PCSK5: variants seen among roughly 807,000 people sequenced by gnomAD.
PCSK5 encodes the protein prohormone convertase 5.
PCSK5 carries 129 observed loss-of-function variants against 233.2 expected under a neutral mutation model. The ratio of observed to expected loss-of-function variants is 0.55; its 90% CI spans 0.48 to 0.64. The LOEUF (loss-of-function observed/expected upper bound fraction) is 0.64, where lower values mean the gene tolerates loss of function less well. PCSK5 is among the 30% of genes least tolerant of loss of function. The probability of loss-of-function intolerance (pLI) is 0.00; values close to 1 mark genes in which losing one functional copy is unlikely to be tolerated. For synonymous variants in PCSK5, 825 were observed against 879.2 expected, an observed-to-expected ratio of 0.94 and a Z score of 1.09; for missense variants, 2,076 against 2,430.1, an observed-to-expected ratio of 0.85 and a Z score of 3.06.
chr9:75,973,878 G>T (rs146947387), intron 2 of PCSK5, among the ~76,000 whole-genome samples: 1 of 152,172 alleles, frequency 6.6e-6, no homozygotes, highest in Non-Finnish European at 1.5e-5. Context: ...AGTGGAGAGA[G>T]AGAACTGGTG....
At chr9:76,191,386 C>T (rs1414855441) in intron 20 of PCSK5, among the ~76,000 whole-genome samples, 1 of 152,138 alleles carries the variant, frequency 6.6e-6, no homozygotes, top group East Asian at 1.9e-4. Context: ...TACCTGGTCT[C>T]CAGGCCTTGG....
chr9:75,985,126 A>G (rs2131391003), intron 2 of PCSK5, among the ~76,000 whole-genome samples: 1 of 152,330 alleles, frequency 6.6e-6, no homozygotes, highest in Admixed American at 6.5e-5. Flanking sequence ...ACAAAGGAGC[A>G]TTTAGGCACA....
intron 35 of PCSK5, among the ~76,000 whole-genome samples, chr9:76,339,690 G>A (rs1403594792): frequency 1.3e-5 from 2 of 151,900 alleles, no homozygotes; most frequent in African/African-American, 4.8e-5. Context: ...GATTACAGAC[G>A]TGCACCACCA....
At chr9:76,244,026 C>A (rs1206776096) in intron 24 of PCSK5, among the ~76,000 whole-genome samples, 2 of 152,168 alleles carry the variant, frequency 1.3e-5, no homozygotes, top group East Asian at 1.9e-4. Flanking sequence ...GAGTTTGAGA[C>A]CAGTCTGGGA....
At chr9:76,222,153 A>G (rs1361509019) in intron 20 of PCSK5, among the ~76,000 whole-genome samples, 1 of 151,356 alleles carries the variant, frequency 6.6e-6, no homozygotes, top group Admixed American at 6.6e-5. Context: ...ATATCAATTT[A>G]TTTCCATTAT....
chr9:76,084,751 C>T (rs1382596757), intron 7 of PCSK5, among the ~76,000 whole-genome samples: 2 of 152,062 alleles, frequency 1.3e-5, no homozygotes, highest in Non-Finnish European at 2.9e-5. Context: ...ACAGACAGAT[C>T]AGTTTCCTTC....
At chr9:76,300,004 T>C (rs1828555992) in intron 27 of PCSK5, among the ~76,000 whole-genome samples, 1 of 152,264 alleles carries the variant, frequency 6.6e-6, no homozygotes. Context: ...TCTAATTACA[T>C]ATTCTGCTGA....
At chr9:76,208,585 T>C (rs1169353551) in intron 20 of PCSK5, among the ~76,000 whole-genome samples, 1 of 152,216 alleles carries the variant, frequency 6.6e-6, no homozygotes, top group Non-Finnish European at 1.5e-5. Flanking sequence ...AGCCTCCCAT[T>C]ACAGTGAGCC....
intron 1 of PCSK5, among the ~76,000 whole-genome samples, chr9:75,930,999 C>G (rs879478749): frequency 1.3e-5 from 2 of 152,160 alleles, no homozygotes; most frequent in African/African-American, 2.4e-5. Context: ...CGCCTGCATT[C>G]CCCGCTTGTT....
chr9:75,889,820 G>C (rs1238767721), upstream of PCSK5, among the ~76,000 whole-genome samples: 1 of 152,208 alleles, frequency 6.6e-6, no homozygotes, highest in East Asian at 1.9e-4. Context: ...GCATGATAGA[G>C]TAATGAAGGT....
intron 2 of PCSK5, among the ~76,000 whole-genome samples, chr9:75,939,140 G>A (rs1360730902): frequency 1.3e-5 from 2 of 152,158 alleles, no homozygotes; most frequent in Non-Finnish European, 2.9e-5. Context: ...AGAAAATGAT[G>A]TGGTCAGTTT....
At chr9:76,166,290 G>A (rs753398064) in intron 12 of PCSK5, among the ~76,000 whole-genome samples, 44 of 152,212 alleles carry the variant, frequency 2.9e-4, no homozygotes, top group Non-Finnish European at 4.6e-4. Context: ...ACCAGGGGGT[G>A]GAAAACTGCT....
At chr9:76,088,338 T>C (rs964567632) in intron 7 of PCSK5, among the ~76,000 whole-genome samples, 1 of 152,220 alleles carries the variant, frequency 6.6e-6, no homozygotes, top group African/African-American at 2.4e-5. Context: ...AATTTTTGCT[T>C]GGAAACAAGT....
At chr9:76,310,570 T>G in intron 29 of PCSK5, 86 bp from the exon 30 acceptor site, 4 of 843,258 alleles carry the variant, frequency 4.7e-6, no homozygotes, top group Non-Finnish European at 6.9e-6. Context: ...GATACTTTGG[T>G]CTTTGGAAAG....
intron 20 of PCSK5, among the ~76,000 whole-genome samples, chr9:76,211,551 C>A (rs762328115): frequency 1.4e-4 from 21 of 152,164 alleles, no homozygotes; most frequent in Non-Finnish European, 2.5e-4. Flanking sequence ...CTCTCCTGAC[C>A]TCAAAAGATC....
intron 3 of PCSK5, among the ~76,000 whole-genome samples, chr9:75,999,613 A>G (rs1827178783): frequency 1.3e-5 from 2 of 152,264 alleles, no homozygotes; most frequent in South Asian, 4.1e-4. Context: ...GAATGCCTTT[A>G]AGCGGTTTTC....
chr9:76,112,419 C>G (rs1463148927), intron 9 of PCSK5, among the ~76,000 whole-genome samples: 1 of 152,112 alleles, frequency 6.6e-6, no homozygotes, highest in Non-Finnish European at 1.5e-5. Flanking sequence ...ATAAATTAAA[C>G]TAACAGCTGC....
chr9:76,140,358 G>A (rs1823160074), intron 10 of PCSK5, among the ~76,000 whole-genome samples: 1 of 152,046 alleles, frequency 6.6e-6, no homozygotes, highest in East Asian at 1.9e-4. Context: ...GCCAATTAGA[G>A]TTTTTGTACC....
intron 24 of PCSK5, among the ~76,000 whole-genome samples, chr9:76,266,557 C>A (rs1285842033): frequency 1.3e-5 from 2 of 152,208 alleles, no homozygotes; most frequent in African/African-American, 2.4e-5. Flanking sequence ...CCCCTCCATG[C>A]ACATGCCAGA....
Sources: gnomAD v4.1 joint callset for allele counts (sites outside exome capture counted in the v4.1 genomes callset) on GRCh38, gnomAD v4.1.1 for gene constraint, MANE v1.5 for transcripts, NCBI Gene and HGNC (gene_info 2026-07-23, HGNC 2026-07-21) for gene names.